The following BRPF3 variants were observed in gnomAD, a reference collection of about 807,000 sequenced individuals.
BRPF3 encodes bromodomain and PHD finger-containing protein 3.
In BRPF3, 18 loss-of-function variants were observed where a neutral mutation model predicts 102.0. The ratio of observed to expected loss-of-function variants is 0.18; its 90% CI spans 0.12 to 0.26. The LOEUF (loss-of-function observed/expected upper bound fraction) is 0.26, where lower values mean the gene tolerates loss of function less well. Among genes scored for constraint, BRPF3 ranks in the 10% least tolerant of loss-of-function variants. The pLI is 1.00. For synonymous variants in BRPF3, 570 were observed against 614.2 expected (o/e 0.93, Z 1.06); for missense variants, 1,147 against 1,567.8 (o/e 0.73, Z 4.53).
chr6:36,211,767 C>T (rs113543881), intron 7 of BRPF3, among the ~76,000 whole-genome samples: 1 of 152,346 alleles, frequency 6.6e-6, no homozygotes, highest in Non-Finnish European at 1.5e-5. Flanking sequence ...ATTTATCCAT[C>T]TCAGTAGATG....
intron 2 of BRPF3, among the ~76,000 whole-genome samples, chr6:36,203,549 C>A (rs1393975560): frequency 6.6e-6 from 1 of 152,130 alleles, no homozygotes; most frequent in African/African-American, 2.4e-5. Flanking sequence ...TGGGGAGAGG[C>A]CTAGTTCTTG....
At chr6:36,215,227 C>T (rs562762631) in intron 8 of BRPF3, among the ~76,000 whole-genome samples, 7 of 152,260 alleles carry the variant, frequency 4.6e-5, no homozygotes, top group Non-Finnish European at 1.0e-4. Context: ...AGCAATTCTC[C>T]TGCCTCAGCC....
intron 11 of BRPF3, 48 bp downstream of exon 11, chr6:36,225,412 G>C (rs1434466081): frequency 4.6e-6 from 7 of 1,529,386 alleles, no homozygotes; most frequent in Non-Finnish European, 6.3e-6. Flanking sequence ...GCCTTGCCTT[G>C]GGGGCTAATC....
intron 8 of BRPF3, among the ~76,000 whole-genome samples, chr6:36,214,917 CA>C (rs1290027450): frequency 6.6e-6 from 1 of 152,112 alleles, no homozygotes; most frequent in East Asian, 1.9e-4. Context: ...GAGTTGAAGG[CA>C]TGAGCTATTT....
At chr6:36,204,380 C>A in intron 2 of BRPF3, 1 of 458,728 alleles carries the variant, frequency 2.2e-6, no homozygotes, top group Non-Finnish European at 4.0e-6. Context: ...ACAAGGAAGT[C>A]CAGGACCATA....
chr6:36,230,577 C>A lies in BRPF3; in HGVS notation c.3586C>A (p.Pro1196Thr), dbSNP rs772140641. Residue 1196 changes from proline (P) to threonine (T), a missense_variant, in exon 13 of 13, where the codon CCC (proline) becomes ACC (threonine). Physicochemically the swap from Pro to Thr is conservative, Grantham distance 38. This residue lies in a region of BRPF3 where 85 missense variants were observed against 172.9 expected (regional missense o/e 0.49). Transcript: ENST00000357641. This position sits in a 1 kb window ranked among gnomAD's most constrained non-coding sequence, Gnocchi z 5.4. ...AMIHLSRVRG[P>T]HSFVTSSYL ...GATCCACCTGAGCAGAGTCCGGGGGCCCCACTCCTTCGTCACTTCCAGCTA... is the reference window on the plus strand; with the variant it reads ...GATCCACCTGAGCAGAGTCCGGGGGACCCACTCCTTCGTCACTTCCAGCTA... The A allele has an allele frequency of 3.7e-6, 6 of 1,614,056 alleles. No individual in the cohort carries two copies. Among genetic ancestry groups the A allele is most frequent in the Non-Finnish European group, 5.1e-6 (6 of 1,179,978 alleles).
At chr6:36,211,593 G>T (rs760432480) in intron 7 of BRPF3, 33 bp downstream of exon 7, 1 of 1,540,710 alleles carries the variant, frequency 6.5e-7, no homozygotes, top group South Asian at 1.2e-5. Flanking sequence ...CAGGGGGTTG[G>T]AGGGTAAAGA....
In BRPF3 at chr6:36,201,085, C is replaced by G. The variant is rs376017548; in HGVS notation, c.763C>G (p.Leu255Val). The G allele has an allele frequency of 3.5e-5, 56 of 1,613,972 alleles. No individual in the cohort carries two copies. The highest frequency in any genetic ancestry group is 4.7e-5 in the Non-Finnish European group (55 of 1,180,032). ...GVPYIPEGQWLCRCCLQSPSR... is the reference protein window; with the variant it reads ...GVPYIPEGQWVCRCCLQSPSR... ...CCCATACATCCCTGAGGGCCAGTGG[C>G]TATGCCGCTGCTGCCTGCAGTCTCC... Residue 255 changes from leucine (L) to valine (V), a missense_variant, in exon 2 of 13, where the codon CTA (leucine) becomes GTA (valine). Leu to Val is a conservative substitution (Grantham distance 32, BLOSUM62 1). Coordinates refer to ENST00000357641, the MANE Select transcript of BRPF3 (RefSeq NM_015695.3). This position sits in a 1 kb window ranked among gnomAD's most constrained non-coding sequence, Gnocchi z 5.1.
At chr6:36,209,971 G>T in intron 5 of BRPF3, 56 bp downstream of exon 5, 1 of 1,602,248 alleles carries the variant, frequency 6.2e-7, no homozygotes, top group Non-Finnish European at 8.5e-7. Flanking sequence ...AACAGGGTCT[G>T]AGTAGGCTAG....
chr6:36,197,228 A>G (rs1019863742), intron 1 of BRPF3: 1 of 151,178 alleles, frequency 6.6e-6, no homozygotes, highest in Non-Finnish European at 1.5e-5. Context: ...CGAGCCGCTA[A>G]GCCCCGCCCC....
At chr6:36,208,876 A>G (rs1004516913) in intron 4 of BRPF3, among the ~76,000 whole-genome samples, 3 of 152,198 alleles carry the variant, frequency 2.0e-5, no homozygotes, top group Non-Finnish European at 4.4e-5. Flanking sequence ...ACAGCATACT[A>G]CTGTAAGTAT....
intron 7 of BRPF3, 99 bp downstream of exon 7, chr6:36,211,659 C>A: frequency 7.1e-7 from 1 of 1,411,600 alleles, no homozygotes; most frequent in South Asian, 1.4e-5. Flanking sequence ...GAGTTTAGAT[C>A]TGACACTTGT....
intron 10 of BRPF3, among the ~76,000 whole-genome samples, chr6:36,223,789 C>T (rs542338560): frequency 1.3e-5 from 2 of 152,144 alleles, no homozygotes; most frequent in South Asian, 4.2e-4. Flanking sequence ...TGTTTAAAAT[C>T]CTTTTATTCA....
intron 7 of BRPF3, 111 bp downstream of exon 7, chr6:36,211,671 G>A: frequency 7.5e-7 from 1 of 1,340,776 alleles, no homozygotes; most frequent in Non-Finnish European, 1.0e-6. Flanking sequence ...GACACTTGTG[G>A]GCAAGCAAAA....
At chr6:36,212,359 A>C (rs1436841217) in intron 7 of BRPF3, among the ~76,000 whole-genome samples, 2 of 152,188 alleles carry the variant, frequency 1.3e-5, no homozygotes, top group Middle Eastern at 3.4e-3. Context: ...CTTCCAATGG[A>C]TAGGGGCCCA....
intron 11 of BRPF3, among the ~76,000 whole-genome samples, chr6:36,225,911 C>CA (rs2127297018): frequency 6.6e-6 from 1 of 152,286 alleles, no homozygotes; most frequent in South Asian, 2.1e-4. Flanking sequence ...TACTCTTTTA[C>CA]AAAAAATGTA....
Position 36,200,662 on chromosome 6 carries a change from C to G in BRPF3, c.340C>G (p.Leu114Val), listed in dbSNP as rs1287825633. 2 of 1,614,170 alleles carry G rather than the reference C, an allele frequency of 1.2e-6. No individual in the cohort carries two copies. The highest frequency in any genetic ancestry group is 1.7e-6 in the Non-Finnish European group (2 of 1,180,030). ...GCATGCATCTGGTACTTCCTTCCAC[C>G]TCCCACAGCCCAGCTTCCGTATGGT... Reference protein sequence around the residue: ...SKHASGTSFHLPQPSFRMVDS... With the variant: ...SKHASGTSFHVPQPSFRMVDS... The change falls in exon 2 of 13, where the codon CTC becomes GTC. Residue 114 changes from leucine to valine, a missense_variant. Physicochemically the swap from Leu to Val is conservative, Grantham distance 32. Transcript: ENST00000357641. This position sits in a 1 kb window ranked among gnomAD's most constrained non-coding sequence, Gnocchi z 5.3.
intron 1 of BRPF3, among the ~76,000 whole-genome samples, chr6:36,197,835 G>T (rs564188423): frequency 1.7e-3 from 266 of 152,302 alleles, no homozygotes; most frequent in Admixed American, 5.0e-3. Context: ...CCCGGTGTCT[G>T]GAGGCGTGGG....
Position 36,222,276 on chromosome 6 carries a change from G to C in BRPF3, c.3181+11G>C, listed in dbSNP as rs1034265492. ...ACTACAATGGCTCAGGTGAGGAGCA[G>C]TGTTCAGGCAGAACTGAGGGGGCCA... On this transcript the variant is annotated intron_variant, in intron 10 of 12. Coordinates refer to ENST00000357641, the MANE Select transcript of BRPF3 (RefSeq NM_015695.3). 7.7e-6 allele frequency: 12 copies of C among 1,549,428 alleles called. No individual in the cohort carries two copies. The highest frequency in any genetic ancestry group is 1.4e-5 in the African/African-American group (1 of 73,082).
Sources: allele counts gnomAD v4.1 joint callset (sites outside exome capture counted in the v4.1 genomes callset), GRCh38; gene constraint gnomAD v4.1.1; regional missense constraint gnomAD v4.1.1; non-coding constraint Gnocchi (gnomAD v3.1); transcripts MANE v1.5; gene names NCBI Gene and HGNC (gene_info 2026-07-23, HGNC 2026-07-21).